Variants in GAB2 observed in about 807,000 individuals in gnomAD.
GAB2 encodes GRB2 associated binding protein 2.
GAB2 carries 26 observed loss-of-function variants against 65.5 expected under a neutral mutation model. The ratio of observed to expected loss-of-function variants is 0.40; its 90% CI spans 0.29 to 0.55. GAB2 has a LOEUF of 0.55. GAB2 is among the 20% of genes least tolerant of loss of function. The probability of loss-of-function intolerance (pLI) is 0.53; values close to 1 mark genes in which losing one functional copy is unlikely to be tolerated. For missense variants in GAB2, 884 were observed against 875.8 expected, an observed-to-expected ratio of 1.01 and a Z score of -0.12; for synonymous variants, 321 against 329.6, an observed-to-expected ratio of 0.97 and a Z score of 0.28.
At chr11:78,408,454 G>A (rs529959637) in intron 1 of GAB2, among the ~76,000 whole-genome samples, 1 of 152,164 alleles carries the variant, frequency 6.6e-6, no homozygotes, top group East Asian at 1.9e-4. Context: ...AAATATTCAA[G>A]AAACTCACAG....
In GAB2 at chr11:78,367,627, A is replaced by T. The variant is rs544975580; in HGVS notation, c.75+50019T>A. On this transcript the variant is annotated intron_variant, in intron 1 of 9. Transcript: ENST00000361507. The stretch of plus-strand genomic sequence containing the variant: ...GAATTCAGGCTAAAGATACCAGTCT[A>T]TAATCTGTCTTAGAACATGTATCAT... 2.6e-5 allele frequency among the ~76,000 whole-genome samples: 4 copies of T among 152,316 alleles called. No individual in the cohort carries two copies. In the East Asian group the frequency reaches 7.7e-4, roughly 29 times the overall value.
chr11:78,390,249 C>A (rs1300376854), intron 1 of GAB2, among the ~76,000 whole-genome samples: 5 of 152,120 alleles, frequency 3.3e-5, no homozygotes, highest in Non-Finnish European at 7.4e-5. Context: ...TGCTTTATAG[C>A]CCACACCAGC....
intron 3 of GAB2, 98 bp from the exon 4 acceptor site, chr11:78,227,149 C>G: frequency 1.3e-6 from 1 of 786,608 alleles, no homozygotes; most frequent in Non-Finnish European, 2.1e-6. Context: ...TTGGTTTAGG[C>G]ATCTGTAAAA....
In GAB2 at chr11:78,222,132, G is replaced by A; in HGVS notation, c.1631C>T (p.Pro544Leu). ...GGCCCTAGACCAAGACTTGGTGATA[G>A]GTGACTTGAAGGGGAGTTCATCGAT... The part of the protein sequence containing the change: ...TVIDELPFKS[P>L]ITKSWSRANH... Residue 544 changes from proline to leucine, a missense_variant, in exon 7 of 10, where the codon CCT becomes CTT. By Grantham distance (98) the Pro-to-Leu change is moderately conservative. Coordinates refer to ENST00000361507, the MANE Select transcript of GAB2 (RefSeq NM_080491.3). The A allele has an allele frequency of 6.2e-7, 1 of 1,613,506 alleles. No homozygotes were observed. Among genetic ancestry groups the A allele is most frequent in the Non-Finnish European group, 8.5e-7 (1 of 1,179,416 alleles).
intron 2 of GAB2, among the ~76,000 whole-genome samples, chr11:78,270,009 C>T (rs1344713940): frequency 6.6e-6 from 1 of 152,008 alleles, no homozygotes; most frequent in African/African-American, 2.4e-5. Flanking sequence ...TTGTAGGTTC[C>T]TCTAAGAAGG....
intron 2 of GAB2, among the ~76,000 whole-genome samples, chr11:78,268,102 G>A (rs566229499): frequency 6.6e-6 from 1 of 152,256 alleles, no homozygotes; most frequent in South Asian, 2.1e-4. Flanking sequence ...GTGGGCAGTT[G>A]AGTGCAGCTT....
intron 1 of GAB2, among the ~76,000 whole-genome samples, chr11:78,289,810 G>T (rs1278133526): frequency 2.2e-5 from 3 of 137,804 alleles, no homozygotes; most frequent in Non-Finnish European, 3.1e-5. Flanking sequence ...AGGAAGAACA[G>T]GACCTTTTTT....
chr11:78,345,554 T>G (rs2134696771), intron 1 of GAB2, among the ~76,000 whole-genome samples: 1 of 152,308 alleles, frequency 6.6e-6, no homozygotes, highest in South Asian at 2.1e-4. Flanking sequence ...ATTCAAAGGT[T>G]CAGATTCTCA....
At chr11:78,401,986 T>C (rs1856979438) in intron 1 of GAB2, among the ~76,000 whole-genome samples, 1 of 152,198 alleles carries the variant, frequency 6.6e-6, no homozygotes, top group Admixed American at 6.5e-5. Flanking sequence ...AAATAATCTG[T>C]TGGAATAATG....
chr11:78,336,161 A>G (rs1220083025), intron 1 of GAB2, among the ~76,000 whole-genome samples: 1 of 151,692 alleles, frequency 6.6e-6, no homozygotes, highest in African/African-American at 2.4e-5. Context: ...TAAAAATACA[A>G]AAATTAGCTG....
At chr11:78,250,428 GA>G in intron 2 of GAB2, 28 bp from the exon 3 acceptor site, 3 of 1,600,274 alleles carry the variant, frequency 1.9e-6, no homozygotes, top group Non-Finnish European at 2.6e-6. Context: ...CTCTGTGAAT[GA>G]AAAAGGAAGG....
chr11:78,391,210 G>A (rs909652244), intron 1 of GAB2, among the ~76,000 whole-genome samples: 7 of 152,136 alleles, frequency 4.6e-5, no homozygotes, highest in African/African-American at 7.2e-5. Flanking sequence ...TGGGAGAATC[G>A]CTTGAGCCCG....
chr11:78,404,171 T>C (rs1277299041), intron 1 of GAB2, among the ~76,000 whole-genome samples: 1 of 152,242 alleles, frequency 6.6e-6, no homozygotes, highest in Non-Finnish European at 1.5e-5. Flanking sequence ...CTTATTATAG[T>C]AGCCAACATG....
intron 1 of GAB2, among the ~76,000 whole-genome samples, chr11:78,403,092 A>T (rs1856995508): frequency 6.6e-6 from 1 of 152,210 alleles, no homozygotes; most frequent in Non-Finnish European, 1.5e-5. Context: ...CAGTGCCTTG[A>T]TCTTGGACTT....
intron 1 of GAB2, among the ~76,000 whole-genome samples, chr11:78,308,521 T>C (rs1439991896): frequency 2.6e-5 from 4 of 152,110 alleles, no homozygotes; most frequent in Admixed American, 2.0e-4. Context: ...ATCTATGTGA[T>C]TGGAAGAAAC....
intron 1 of GAB2, among the ~76,000 whole-genome samples, chr11:78,369,110 C>A (rs1856535196): frequency 6.7e-6 from 1 of 149,840 alleles, no homozygotes; most frequent in Non-Finnish European, 1.5e-5. Flanking sequence ...TGCACTCCAG[C>A]CTGGGTGACA....
At chr11:78,413,238 T>C (rs1297083152) in intron 1 of GAB2, among the ~76,000 whole-genome samples, 2 of 152,180 alleles carry the variant, frequency 1.3e-5, no homozygotes, top group Non-Finnish European at 2.9e-5. Context: ...AAATGATAAC[T>C]GAAGCCAGTA....
Position 78,332,882 on chromosome 11 carries a change from T to C in GAB2, c.76-51981A>G, listed in dbSNP as rs532199989. Among the ~76,000 whole-genome samples, 42 of 152,258 alleles carry C rather than the reference T, an allele frequency of 2.8e-4. 2 individuals carry two copies. Among genetic ancestry groups the C allele is most frequent in the East Asian group, 1.7e-3 (9 of 5,184 alleles). On this transcript the variant is annotated intron_variant, in intron 1 of 9. Coordinates refer to ENST00000361507, the MANE Select transcript of GAB2 (RefSeq NM_080491.3). Reference sequence around the variant, plus strand: ...GAGTCTGAGCAGAAATTTGAAGATATAGTTTTTGTTTTTTTAAGAACCTTC... The same window carrying C: ...GAGTCTGAGCAGAAATTTGAAGATACAGTTTTTGTTTTTTTAAGAACCTTC...
intron 1 of GAB2, among the ~76,000 whole-genome samples, chr11:78,370,880 C>T (rs944703195): frequency 4.6e-5 from 7 of 152,218 alleles, no homozygotes; most frequent in Admixed American, 4.6e-4. Flanking sequence ...CTGTGTTTAC[C>T]CAGCCACTCT....
Sources: allele counts gnomAD v4.1 joint callset (sites outside exome capture counted in the v4.1 genomes callset), GRCh38; gene constraint gnomAD v4.1.1; transcripts MANE v1.5; gene names NCBI Gene and HGNC (gene_info 2026-07-23, HGNC 2026-07-21).